The following KANK1 variants were observed in gnomAD, a reference collection of about 807,000 sequenced individuals.
The protein encoded by KANK1 is KN motif and ankyrin repeat domains 1.
In KANK1, 109 loss-of-function variants were observed where a neutral mutation model predicts 106.2. The observed-to-expected ratio is 1.03, with a 90% CI of 0.88 to 1.20. The LOEUF is 1.20. KANK1 is among the 50% of genes most tolerant of loss of function. The pLI, the probability that KANK1 is intolerant of heterozygous loss-of-function variation, is 0.00. For missense variants in KANK1, 2,399 were observed against 1,710.7 expected (o/e 1.40, Z -7.10); for synonymous variants, 873 against 652.2 (o/e 1.34, Z -5.16).
intron 1 of KANK1, among the ~76,000 whole-genome samples, chr9:589,397 C>T (rs760158523): frequency 1.7e-4 from 25 of 150,420 alleles, no homozygotes; most frequent in Non-Finnish European, 3.4e-4. Context: ...GGTGTAGATG[C>T]CCAGGTCTGG....
intron 1 of KANK1, among the ~76,000 whole-genome samples, chr9:541,697 A>G (rs1408829271): frequency 6.6e-6 from 1 of 152,238 alleles, no homozygotes; most frequent in African/African-American, 2.4e-5. Flanking sequence ...GTAGAATGGG[A>G]TAAAATGGTT....
At chr9:501,613 T>TACACACAC (rs60211646), upstream of KANK1, among the ~76,000 whole-genome samples, 699 of 148,534 alleles carry the variant, frequency 4.7e-3, 4 homozygotes, top group African/African-American at 0.016. Context: ...CGCACAGACA[T>TACACACAC]ACACACACAC....
chr9:742,123 C>T, intron 9 of KANK1, 82 bp from the exon 10 acceptor site: 2 of 1,196,076 alleles, frequency 1.7e-6, no homozygotes, highest in Non-Finnish European at 2.4e-6. Flanking sequence ...ACTCTTCCCC[C>T]TTTCCCTAGC....
chr9:690,194 T>C (rs1819572738), intron 2 of KANK1, among the ~76,000 whole-genome samples: 1 of 143,020 alleles, frequency 7.0e-6, no homozygotes, highest in African/African-American at 2.6e-5. Context: ...TAATCCCAGC[T>C]ATTTAGGAGA....
intron 1 of KANK1, among the ~76,000 whole-genome samples, chr9:550,371 C>A (rs2061203062): frequency 6.6e-6 from 1 of 152,150 alleles, no homozygotes; most frequent in Non-Finnish European, 1.5e-5. Context: ...TTTTTCCCTG[C>A]ATCCGTACAT....
intron 1 of KANK1, among the ~76,000 whole-genome samples, chr9:651,479 A>T (rs1370438502): frequency 6.6e-6 from 1 of 152,160 alleles, no homozygotes; most frequent in Non-Finnish European, 1.5e-5. Context: ...TTCCCTAAGC[A>T]TCTGCATGTG....
chr9:734,856 C>T (rs1833337162), intron 7 of KANK1, 21 bp downstream of exon 7: 2 of 1,561,494 alleles, frequency 1.3e-6, no homozygotes, highest in South Asian at 2.2e-5. Flanking sequence ...CCTGCAAACA[C>T]CATCCCCAGT....
chr9:615,152 C>T (rs1460382093), intron 1 of KANK1, among the ~76,000 whole-genome samples: 1 of 152,128 alleles, frequency 6.6e-6, no homozygotes, highest in East Asian at 1.9e-4. Flanking sequence ...CCAGACTGGT[C>T]CTGAACTCCT....
chr9:601,212 C>T (rs1732188154), intron 1 of KANK1, among the ~76,000 whole-genome samples: 1 of 151,908 alleles, frequency 6.6e-6, no homozygotes. Flanking sequence ...TGTTATCTTA[C>T]ATAACCATAT....
intron 1 of KANK1, among the ~76,000 whole-genome samples, chr9:622,794 C>T (rs537889649): frequency 4.0e-5 from 6 of 151,882 alleles, no homozygotes; most frequent in Admixed American, 3.3e-4. Context: ...CCCAGCTAAT[C>T]GGGAGGCTGA....
At chr9:555,462 TAAATC>T (rs781473996) in intron 1 of KANK1, among the ~76,000 whole-genome samples, 42 of 152,170 alleles carry the variant, frequency 2.8e-4, no homozygotes, top group African/African-American at 9.2e-4. Context: ...CTAAATTAAA[TAAATC>T]AAATGAGTGA....
chr9:555,802 C>G (rs1448466627), intron 1 of KANK1, among the ~76,000 whole-genome samples: 4 of 152,106 alleles, frequency 2.6e-5, no homozygotes, highest in Non-Finnish European at 4.4e-5. Flanking sequence ...TCTCAAAATA[C>G]AATTAGGAAA....
At chr9:503,213 C>G (rs577671889), upstream of KANK1, among the ~76,000 whole-genome samples, 1 of 152,092 alleles carries the variant, frequency 6.6e-6, no homozygotes, top group South Asian at 2.1e-4. Context: ...AACAATTCTC[C>G]TTTTCATAGA....
At chr9:535,826 A>G (rs2060272763) in intron 1 of KANK1, among the ~76,000 whole-genome samples, 1 of 152,166 alleles carries the variant, frequency 6.6e-6, no homozygotes. Context: ...GGTCCTCACA[A>G]GCAGTCTTTA....
chr9:713,800 T>C (rs1826906713), intron 3 of KANK1, among the ~76,000 whole-genome samples: 1 of 132,510 alleles, frequency 7.5e-6, no homozygotes. Context: ...TCATTATTTA[T>C]AGAACTGCCT....
intron 1 of KANK1, 22 bp downstream of exon 1, chr9:504,776 T>TGCCGCGCCCCGTGCCGC (rs1554723198): frequency 5.4e-4 from 9 of 16,726 alleles, no homozygotes; most frequent in South Asian, 2.7e-3. Context: ...GGCGGGGCCG[T>TGCCGCGCCCCGTGCCGC]GCCGCGCCCC....
intron 7 of KANK1, among the ~76,000 whole-genome samples, chr9:736,260 C>G (rs1351070667): frequency 1.3e-5 from 2 of 152,146 alleles, no homozygotes; most frequent in Non-Finnish European, 2.9e-5. Flanking sequence ...CGCCTGGCCT[C>G]AAAAACTTAA....
rs761278458 is a variant in KANK1 at position 742,444 on chromosome 9, G to A, written c.3897+39G>A. The A allele has an allele frequency of 3.9e-6, 6 of 1,537,528 alleles. No homozygotes were observed. The African/African-American group carries it at 8.2e-5, about 21-fold the overall frequency. On this transcript the variant is annotated intron_variant, in intron 10 of 11. Transcript: ENST00000382297. ...ATTGGGCCTCCTGGCCAGGGGTCTGGGGGACTCTGGACGGGAGCTCTGGGA... is the reference window on the plus strand; with the variant it reads ...ATTGGGCCTCCTGGCCAGGGGTCTGAGGGACTCTGGACGGGAGCTCTGGGA...
chr9:574,718 G>A (rs1405117873), intron 1 of KANK1, among the ~76,000 whole-genome samples: 3 of 151,962 alleles, frequency 2.0e-5, no homozygotes, highest in Non-Finnish European at 4.4e-5. Context: ...AGCCAGGCAT[G>A]GTGGCACGTG....
Sources: gnomAD v4.1 joint callset for allele counts (sites outside exome capture counted in the v4.1 genomes callset) on GRCh38, gnomAD v4.1.1 for gene constraint, MANE v1.5 for transcripts, NCBI Gene and HGNC (gene_info 2026-07-23, HGNC 2026-07-21) for gene names.